The following CILP variants were observed in gnomAD, a reference collection of about 807,000 sequenced individuals.
CILP encodes the protein cartilage intermediate layer protein 1.
Under a neutral mutation model 82.5 loss-of-function variants are expected in CILP, and 75 were observed. That is an observed-to-expected ratio of 0.91 (90% CI 0.75 to 1.10). The LOEUF (loss-of-function observed/expected upper bound fraction) is 1.10. Ranked by LOEUF, CILP falls within the 50% of genes least tolerant of loss-of-function variation. The pLI, the probability that CILP is intolerant of heterozygous loss-of-function variation, is 0.00. For synonymous variants in CILP, 530 were observed against 580.3 expected (o/e 0.91, Z 1.25); for missense variants, 1,479 against 1,530.8 (o/e 0.97, Z 0.56).
Position 65,195,659 on chromosome 15 carries a change from G to GT in CILP, c.*1071dup, listed in dbSNP as rs2088352422. ...GCCCAGCTGGAGAAGGCAACAGGCT[G>GT]TTGGGAGAGCCAAAGGACCACTTGG... On this transcript the variant is annotated 3_prime_UTR_variant, in exon 9 of 9. Transcript: ENST00000261883. The GT allele has an allele frequency of 6.6e-6, 1 of 152,228 alleles. No individual in the cohort carries two copies. The highest frequency in any genetic ancestry group is 1.5e-5 in the Non-Finnish European group (1 of 68,050). The allele number at this position is 152,228 out of a possible 1,614,324, so 9.4% of individuals were successfully genotyped here.
At position 65,204,593 on chromosome 15, in the gene CILP, AG is replaced by A. The variant is rs1482467204; in HGVS notation, c.605-12del. On this transcript the variant is annotated splice_polypyrimidine_tract_variant and intron_variant, in intron 5 of 8. Transcript: ENST00000261883. ...AGGTCAGGTCACAGGCTGTGGAACA[AG>A]GGGCCATATCAGCAGGGATTCTATG... The A allele has an allele frequency of 6.3e-7, 1 of 1,584,290 alleles. No homozygotes were observed. Among genetic ancestry groups the A allele is most frequent in the Non-Finnish European group, 8.5e-7 (1 of 1,173,056 alleles).
At chr15:65,201,846 G>A (rs753055415) in intron 8 of CILP, 26 bp downstream of exon 8, 1 of 1,459,370 alleles carries the variant, frequency 6.9e-7, no homozygotes, top group Admixed American at 2.4e-5. Context: ...CAGACCCAGG[G>A]GCCCCAGGGA....
intron 3 of CILP, 57 bp downstream of exon 3, chr15:65,207,615 T>G (rs1337541176): frequency 2.5e-5 from 38 of 1,490,886 alleles, no homozygotes; most frequent in Non-Finnish European, 3.4e-5. Context: ...GAGATCCACT[T>G]CGGAAGCTCG....
In CILP at chr15:65,203,448, G is replaced by T. The variant is rs767476139; in HGVS notation, c.942C>A (p.Asn314Lys). The change falls in exon 7 of 9, where the codon AAC becomes AAA. Residue 314 changes from asparagine to lysine, a missense_variant. Transcript: ENST00000261883. ...CAGCTCTCCGTGCTTTTGTCTCAGGGTTCATCACCATGTATGGAGTCTCTG... is the reference window on the plus strand; with the variant it reads ...CAGCTCTCCGTGCTTTTGTCTCAGGTTTCATCACCATGTATGGAGTCTCTG... ...VRAETPYMVM[N>K]PETKARRAGQ... 2 of 1,612,646 alleles carry T rather than the reference G, an allele frequency of 1.2e-6. No homozygotes were observed. The highest frequency in any genetic ancestry group is 1.7e-6 in the Non-Finnish European group (2 of 1,179,936).
rs1255204367 is a variant in CILP, at chr15:65,207,019, C to T, written c.187G>A (p.Asp63Asn). ...PGEWTTWFNI[D>N]YPGGKGDYER... is the part of the protein sequence containing the mutation. ...TAGTCGCCCTTCCCGCCTGGGTAGT[C>T]GATGTTGAACCATGTTGTCCACTCA... Residue 63 changes from aspartate to asparagine, a missense_variant, in exon 4 of 9, where the codon GAC becomes AAC. Coordinates refer to ENST00000261883, the MANE Select transcript of CILP (RefSeq NM_003613.4). 5.0e-6 allele frequency: 8 copies of T among 1,613,654 alleles called. No homozygotes were observed. Among genetic ancestry groups the T allele is most frequent in the African/African-American group, 2.7e-5 (2 of 74,882 alleles).
At chr15:65,210,565 A>G (rs1217177828) in intron 1 of CILP, among the ~76,000 whole-genome samples, 1 of 152,218 alleles carries the variant, frequency 6.6e-6, no homozygotes, top group Non-Finnish European at 1.5e-5. Context: ...GACAAGGGCA[A>G]GGAACTATGG....
chr15:65,204,145 G>T, intron 6 of CILP, 123 bp downstream of exon 6: 1 of 800,038 alleles, frequency 1.2e-6, no homozygotes, highest in Non-Finnish European at 2.0e-6. Flanking sequence ...AGTGCCATGT[G>T]GGCCATGGTA....
intron 2 of CILP, 26 bp from the exon 3 acceptor site, chr15:65,207,790 T>G: frequency 1.3e-6 from 2 of 1,594,382 alleles, no homozygotes; most frequent in East Asian, 2.2e-5. Flanking sequence ...AGAAGCTAAG[T>G]GAGAGGCCAG....
At chr15:65,201,693 C>G (rs1030191251) in intron 8 of CILP, among the ~76,000 whole-genome samples, 179 bp downstream of exon 8, 2 of 133,932 alleles carry the variant, frequency 1.5e-5, no homozygotes, top group Admixed American at 8.6e-5. Flanking sequence ...GGTGCCACTG[C>G]ACTCCAGCCT....
chr15:65,196,985 C>G lies in CILP; in HGVS notation c.3301G>C (p.Asp1101His). 6.2e-7 allele frequency: 1 copy of G among 1,614,106 alleles called. No individual in the cohort carries two copies. The highest frequency in any genetic ancestry group is 1.7e-5 in the Admixed American group (1 of 60,010). The change falls in exon 9 of 9, where the codon GAT (aspartate) becomes CAT (histidine). Residue 1101 changes from aspartate (D) to histidine (H), a missense_variant. By Grantham distance (81) the Asp-to-His change is moderately conservative. Coordinates refer to ENST00000261883, the MANE Select transcript of CILP (RefSeq NM_003613.4). ...CTCTTCATGATTCTGGAGGAGCCAT[C>G]GGATGTGCCATCAAAGCACCGGCCG... ...ALGRCFDGTSDGSSRIMKSNV... is the reference protein window; with the variant it reads ...ALGRCFDGTSHGSSRIMKSNV...
chr15:65,207,571 T>G, intron 3 of CILP, 101 bp downstream of exon 3: 1 of 1,045,556 alleles, frequency 9.6e-7, no homozygotes, highest in Non-Finnish European at 1.4e-6. Context: ...AAAAGTGGGT[T>G]TCCATGGGAC....
At chr15:65,199,860 T>C (rs1023188229) in intron 8 of CILP, among the ~76,000 whole-genome samples, 5 of 152,236 alleles carry the variant, frequency 3.3e-5, no homozygotes, top group Admixed American at 1.3e-4. Context: ...ATCTTTTACA[T>C]GGCTTTAACC....
chr15:65,209,853 T>C lies in CILP; in HGVS notation c.-98A>G. On this transcript the variant is annotated 5_prime_UTR_variant, in exon 2 of 9. Transcript: ENST00000261883. ...GCGGTCCCCTGGGAAGTTTCTCAGA[T>C]CCAGTGACCTGTAAAGAAACAAAGC... is the stretch of plus-strand genomic sequence containing the variant. 1 of 950,890 alleles carries C rather than the reference T, an allele frequency of 1.1e-6. No individual in the cohort carries two copies. The allele number at this position is 950,890 out of a possible 1,614,324, so 58.9% of individuals were successfully genotyped here.
At position 65,204,476 on chromosome 15, in the gene CILP, TG is replaced by T; in HGVS notation, c.710del (p.Pro237GlnfsTer10). ...GGAGGTAGATAGCAGCCCCTGAGGCTGGGGCACCTCCGGGAAGGGAGACAGC... is the reference window on the plus strand; with the variant it reads ...GGAGGTAGATAGCAGCCCCTGAGGCTGGGCACCTCCGGGAAGGGAGACAGC... ...HGAVSLPGGA[P>X]ASGAAIYLLT... On this transcript the variant is annotated frameshift_variant, in exon 6 of 9. Transcript: ENST00000261883. LOFTEE classifies it high-confidence loss of function. 6.2e-7 allele frequency: 1 copy of T among 1,613,992 alleles called. No homozygotes were observed. The highest frequency in any genetic ancestry group is 1.1e-5 in the South Asian group (1 of 91,028).
At chr15:65,201,248 C>T (rs567086275) in intron 8 of CILP, among the ~76,000 whole-genome samples, 34 of 152,284 alleles carry the variant, frequency 2.2e-4, no homozygotes, top group African/African-American at 7.7e-4. Context: ...GTGATCCATC[C>T]ACCTTGGCCT....
rs369015415 is a variant in CILP, at chr15:65,197,321, C to T, written c.2965G>A (p.Asp989Asn). The change falls in exon 9 of 9, where the codon GAT becomes AAT. Residue 989 changes from aspartate to asparagine, a missense_variant. Transcript: ENST00000261883. ...TCCCTGTCCCGAGTGCTCCTCACAT[C>T]TCGGATTCCATACAGCTTCCCCACT... Reference protein sequence around the residue: ...QTVGKLYGIRDVRSTRDRDQP... With the variant: ...QTVGKLYGIRNVRSTRDRDQP... The T allele has an allele frequency of 6.2e-7, 1 of 1,614,038 alleles. No homozygotes were observed. The highest frequency in any genetic ancestry group is 8.5e-7 in the Non-Finnish European group (1 of 1,180,036).
chr15:65,199,465 G>C (rs1473290696), intron 8 of CILP, among the ~76,000 whole-genome samples: 1 of 152,212 alleles, frequency 6.6e-6, no homozygotes, highest in Non-Finnish European at 1.5e-5. Context: ...AAGAATCTCT[G>C]TGTTCTGAAC....
chr15:65,198,816 G>A lies in CILP; in HGVS notation c.1470C>T (p.Ser490=), dbSNP rs2088414533. The A allele has an allele frequency of 6.2e-7, 1 of 1,614,030 alleles. No homozygotes were observed. The highest frequency in any genetic ancestry group is 1.7e-5 in the Admixed American group (1 of 60,006). The change falls in exon 9 of 9, where the codon AGC becomes AGT. Residue 490 remains serine, a synonymous_variant. Transcript: ENST00000261883. ...CAGCACTGACACGGCCCCGCACGAT[G>A]CTCCGAGTTTCCGTACACCGCTGGC... ...CSCQRCTETR[S]IVRGRVSAAD...
chr15:65,207,108 C>T, intron 3 of CILP, 57 bp from the exon 4 acceptor site: 1 of 1,562,648 alleles, frequency 6.4e-7, no homozygotes, highest in Non-Finnish European at 8.6e-7. Context: ...TCCAGTTCTC[C>T]TTTCCCTCTC....
Sources: gnomAD v4.1 joint callset for allele counts (sites outside exome capture counted in the v4.1 genomes callset) on GRCh38, gnomAD v4.1.1 for gene constraint, MANE v1.5 for transcripts, NCBI Gene and HGNC (gene_info 2026-07-23, HGNC 2026-07-21) for gene names.